The following TADA1 variants were observed in gnomAD, a reference collection of about 807,000 sequenced individuals.
The protein encoded by TADA1 is transcriptional adaptor 1.
A neutral mutation model predicts 39.3 loss-of-function variants in TADA1; 23 were observed. The ratio of observed to expected loss-of-function variants is 0.58; its 90% CI spans 0.42 to 0.83. The LOEUF is 0.83. Among genes scored for constraint, TADA1 ranks in the 40% least tolerant of loss-of-function variants. TADA1 has a pLI of 0.00. For synonymous variants in TADA1, 137 were observed against 151.8 expected, an observed-to-expected ratio of 0.90 and a Z score of 0.72; for missense variants, 352 against 408.1, an observed-to-expected ratio of 0.86 and a Z score of 1.18.
intron 1 of TADA1, 45 bp from the exon 2 acceptor site, chr1:166,869,899 T>G: frequency 1.3e-6 from 2 of 1,533,934 alleles, no homozygotes; most frequent in Non-Finnish European, 1.8e-6. Flanking sequence ...TTTGGCTGCT[T>G]CTAGTTTTTT....
rs1658430815 is a variant in TADA1 at position 166,862,191 on chromosome 1, C to T, written c.540+12G>A. On this transcript the variant is annotated intron_variant, in intron 5 of 7. Transcript: ENST00000367874. ...CAACCTGTAAGATTATTTCTGCCAA[C>T]AGCAAACCAACCTCCACAGCATAGA... 2 of 1,612,488 alleles carry T rather than the reference C, an allele frequency of 1.2e-6. No individual in the cohort carries two copies. The highest frequency in any genetic ancestry group is 2.7e-5 in the African/African-American group (2 of 74,870).
chr1:166,872,961 A>G (rs373367679), intron 1 of TADA1, among the ~76,000 whole-genome samples: 1 of 152,330 alleles, frequency 6.6e-6, no homozygotes, highest in East Asian at 1.9e-4. Flanking sequence ...GATATACCTA[A>G]AGAATATTAA....
At chr1:166,866,298 T>C (rs1658533291) in intron 3 of TADA1, among the ~76,000 whole-genome samples, 1 of 152,234 alleles carries the variant, frequency 6.6e-6, no homozygotes, top group Admixed American at 6.5e-5. Context: ...AAGGCAAGTT[T>C]TTCTTTTGTT....
chr1:166,871,133 T>C (rs895644916), intron 1 of TADA1, among the ~76,000 whole-genome samples: 16 of 152,212 alleles, frequency 1.1e-4, no homozygotes, highest in African/African-American at 3.6e-4. Context: ...GGGATATCTG[T>C]AGTTTTTAAA....
In TADA1 at chr1:166,857,700, G is replaced by A. The variant is rs755848110; in HGVS notation, c.875C>T (p.Pro292Leu). The change falls in exon 8 of 8, where the codon CCT becomes CTT. Residue 292 changes from proline to leucine, a missense_variant. Around this residue, in one of 3 missense-constraint regions of TADA1, gnomAD observed 285 missense variants for 310.9 expected, o/e 0.92. Coordinates refer to ENST00000367874, the MANE Select transcript of TADA1 (RefSeq NM_053053.4). Reference sequence around the variant, plus strand: ...GTTAAGAGCATAGACAGTATGTGTAGGGATGACTTCCCTGTGCACCTGGGA... The same window carrying A: ...GTTAAGAGCATAGACAGTATGTGTAAGGATGACTTCCCTGTGCACCTGGGA... ...EALQVHREVI[P>L]THTVYALNIE... 1.9e-6 allele frequency: 3 copies of A among 1,613,590 alleles called. No homozygotes were observed. In the East Asian group the frequency reaches 6.7e-5, roughly 36 times the overall value.
At chr1:166,869,044 T>C (rs2294195) in intron 3 of TADA1, 41,263 of 230,040 alleles carry the variant, frequency 0.18, 4,717 homozygotes, top group East Asian at 0.56. Flanking sequence ...AGAGGAAGTG[T>C]TGGTGTTGTA....
At chr1:166,859,112 TC>T (rs1402032144) in intron 6 of TADA1, among the ~76,000 whole-genome samples, 3 of 152,252 alleles carry the variant, frequency 2.0e-5, no homozygotes, top group South Asian at 4.1e-4. Flanking sequence ...CATATGGCAA[TC>T]TAAACAGTAA....
chr1:166,873,208 T>C (rs1376152187), intron 1 of TADA1, among the ~76,000 whole-genome samples: 4 of 151,856 alleles, frequency 2.6e-5, no homozygotes, highest in Admixed American at 6.6e-5. Context: ...GAGGTGGAGG[T>C]TGCAGTGAGC....
intron 1 of TADA1, among the ~76,000 whole-genome samples, chr1:166,870,614 A>T (rs1444850242): frequency 6.6e-6 from 1 of 152,052 alleles, no homozygotes; most frequent in African/African-American, 2.4e-5. Flanking sequence ...GACCGCTTGA[A>T]CCCAGGAGTT....
intron 1 of TADA1, among the ~76,000 whole-genome samples, chr1:166,875,936 GC>G (rs1403545572): frequency 2.0e-5 from 3 of 151,994 alleles, no homozygotes; most frequent in Non-Finnish European, 4.4e-5. Context: ...GAGCAACGGC[GC>G]CCGCCGATGT....
intron 1 of TADA1, among the ~76,000 whole-genome samples, chr1:166,871,234 A>G (rs1358173649): frequency 6.6e-6 from 1 of 152,244 alleles, no homozygotes; most frequent in Non-Finnish European, 1.5e-5. Flanking sequence ...AGTGTTAGGA[A>G]TTAGAGTGAA....
chr1:166,860,067 ACTC>A, intron 6 of TADA1, 116 bp downstream of exon 6: 1 of 934,286 alleles, frequency 1.1e-6, no homozygotes, highest in African/African-American at 1.8e-5. Context: ...ATAAAATTGT[ACTC>A]CTATTAAAGG....
In TADA1 at chr1:166,873,537, A is replaced by T. The variant is rs574857378; in HGVS notation, c.74+2623T>A. On this transcript the variant is annotated intron_variant, in intron 1 of 7. Transcript: ENST00000367874. ...TTGCCTACCACCGAGGACCACACTT[A>T]AATAGGTTGTGCAAACCAAAGCAAA... Among the ~76,000 whole-genome samples, 802 of 152,340 alleles carry T rather than the reference A, an allele frequency of 5.3e-3. 6 individuals carry two copies. Among genetic ancestry groups the T allele is most frequent in the Non-Finnish European group, 7.1e-3 (483 of 68,026 alleles).
intron 1 of TADA1, among the ~76,000 whole-genome samples, chr1:166,870,728 C>T (rs1658639257): frequency 6.6e-6 from 1 of 152,112 alleles, no homozygotes; most frequent in Non-Finnish European, 1.5e-5. Context: ...ACCTGGGAGG[C>T]TGAAGTGGAG....
rs148301602 is a variant in TADA1, at chr1:166,857,601, C to T, written c.974G>A (p.Arg325His). 1.0e-3 allele frequency: 1,671 copies of T among 1,614,196 alleles called. No homozygotes were observed. The highest frequency in any genetic ancestry group is 1.3e-3 in the Non-Finnish European group (1,490 of 1,180,044). ...CAAAAGCCCCTCCTTGGCTGCCAAG[C>T]GCTGGCGGTGAACTTTGTCTTGCTG... ...ELQQDKVHRQ[R>H]LAAKEGLLLC Residue 325 changes from arginine (R) to histidine (H), a missense_variant, in exon 8 of 8, where the codon CGC (arginine) becomes CAC (histidine). Physicochemically the swap from Arg to His is conservative, Grantham distance 29. Transcript: ENST00000367874.
chr1:166,863,648 T>A, intron 4 of TADA1, 176 bp downstream of exon 4: 1 of 614,706 alleles, frequency 1.6e-6, no homozygotes. Context: ...AAACAAGAAC[T>A]ATAAAAATTC....
intron 6 of TADA1, among the ~76,000 whole-genome samples, chr1:166,859,532 G>A (rs1452748981): frequency 1.3e-5 from 2 of 152,090 alleles, no homozygotes; most frequent in African/African-American, 4.8e-5. Flanking sequence ...AAAGGAGATG[G>A]AAGGATAAGA....
In TADA1 at chr1:166,869,524, G is replaced by T. The variant is rs1476595055; in HGVS notation, c.167-14C>A. The T allele has an allele frequency of 2.5e-6, 4 of 1,612,164 alleles. No homozygotes were observed. In the East Asian group the frequency reaches 8.9e-5, roughly 36 times the overall value. On this transcript the variant is annotated splice_polypyrimidine_tract_variant and intron_variant, in intron 2 of 7. Coordinates refer to ENST00000367874, the MANE Select transcript of TADA1 (RefSeq NM_053053.4). ...TGTGAGAATGGACTGAAAAAGGAAA[G>T]ATAGTGACAATCAAATTCAAAACAT... is the stretch of plus-strand genomic sequence containing the variant.
chr1:166,875,573 T>C (rs904852597), intron 1 of TADA1, among the ~76,000 whole-genome samples: 4 of 152,240 alleles, frequency 2.6e-5, no homozygotes, highest in African/African-American at 9.6e-5. Flanking sequence ...GATAATATAT[T>C]TAGAGAGCTT....
Sources: gnomAD v4.1 joint callset for allele counts (sites outside exome capture counted in the v4.1 genomes callset) on GRCh38, gnomAD v4.1.1 for gene constraint, gnomAD v4.1.1 regional missense constraint, MANE v1.5 for transcripts, NCBI Gene and HGNC (gene_info 2026-07-23, HGNC 2026-07-21) for gene names.